The following RAVER2 variants were observed in gnomAD, a reference collection of about 807,000 sequenced individuals.
The protein encoded by RAVER2 is ribonucleoprotein, PTB binding 2, also known as ribonucleoprotein PTB-binding 2.
In RAVER2, 46 loss-of-function variants were observed where a neutral mutation model predicts 78.1. The ratio of observed to expected loss-of-function variants is 0.59; its 90% CI spans 0.46 to 0.75. RAVER2 has a LOEUF of 0.75. Ranked by LOEUF, RAVER2 falls within the 30% of genes least tolerant of loss-of-function variation. The probability of loss-of-function intolerance (pLI) is 0.00; values close to 1 mark genes in which losing one functional copy is unlikely to be tolerated. For synonymous variants in RAVER2, 311 were observed against 313.3 expected, an observed-to-expected ratio of 0.99 and a Z score of 0.08; for missense variants, 793 against 837.5, an observed-to-expected ratio of 0.95 and a Z score of 0.66.
At chr1:64,755,689 AAG>A (rs1436692032) in intron 1 of RAVER2, among the ~76,000 whole-genome samples, 2 of 148,008 alleles carry the variant, frequency 1.4e-5, no homozygotes, top group Non-Finnish European at 3.0e-5. Context: ...TTCGATTCCA[AAG>A]TAATCTCCAT....
chr1:64,773,198 T>C (rs1481756994), intron 2 of RAVER2, among the ~76,000 whole-genome samples: 1 of 152,136 alleles, frequency 6.6e-6, no homozygotes, highest in Admixed American at 6.6e-5. Context: ...AGGATTTTTT[T>C]TTAATATACT....
intron 5 of RAVER2, among the ~76,000 whole-genome samples, chr1:64,792,476 A>G (rs887876467): frequency 7.2e-5 from 11 of 152,314 alleles, no homozygotes; most frequent in African/African-American, 2.6e-4. Flanking sequence ...ACTCTGGGCT[A>G]TCTTTACTAA....
chr1:64,778,851 T>A (rs188119356), intron 3 of RAVER2, among the ~76,000 whole-genome samples: 7 of 149,394 alleles, frequency 4.7e-5, no homozygotes, highest in Admixed American at 2.7e-4. Flanking sequence ...TCCTCTTACC[T>A]CTGTTGTTTC....
rs192230064 is a variant in RAVER2, at chr1:64,807,318, G to A, written c.1524G>A (p.Gln508=). ...CTGGGCCAGGGCACAGTAATACTCA[G>A]GAGAAACAGCCAGCCACGGTGGGAA... The change falls in exon 9 of 12, where the codon CAG becomes CAA. Residue 508 remains glutamine, a synonymous_variant. Transcript: ENST00000294428. The A allele has an allele frequency of 1.8e-5, 29 of 1,614,130 alleles. No individual in the cohort carries two copies. In the Admixed American group the frequency reaches 4.0e-4, roughly 22 times the overall value.
In RAVER2 at chr1:64,829,630, T is replaced by C. The variant is rs564328807; in HGVS notation, c.1930-1209T>C. On this transcript the variant is annotated intron_variant, in intron 11 of 11. Transcript: ENST00000294428. ...TCACCATCAACTCAGCTTTGACAAC[T>C]ATCAACTTACGGCAGGTCTCCTTTC... 2.6e-4 allele frequency among the ~76,000 whole-genome samples: 39 copies of C among 152,286 alleles called. 1 individual carries two copies. Among genetic ancestry groups the C allele is most frequent in the Admixed American group, 2.0e-3 (30 of 15,298 alleles).
At chr1:64,778,895 A>G (rs980397525) in intron 3 of RAVER2, among the ~76,000 whole-genome samples, 2 of 147,702 alleles carry the variant, frequency 1.4e-5, no homozygotes, top group African/African-American at 4.9e-5. Flanking sequence ...TTAATCATAC[A>G]TTTGTTGATT....
intron 2 of RAVER2, among the ~76,000 whole-genome samples, chr1:64,772,149 A>C (rs1367968180): frequency 1.3e-5 from 2 of 152,090 alleles, no homozygotes; most frequent in African/African-American, 4.8e-5. Flanking sequence ...AGTGACATCT[A>C]CCATTTCTAT....
intron 1 of RAVER2, among the ~76,000 whole-genome samples, chr1:64,763,789 G>C (rs929268990): frequency 6.6e-6 from 1 of 151,990 alleles, no homozygotes; most frequent in African/African-American, 2.4e-5. Context: ...TGTAATCCCA[G>C]CTACTCCAGA....
At chr1:64,810,686 G>C (rs1320028182) in intron 9 of RAVER2, among the ~76,000 whole-genome samples, 4 of 152,122 alleles carry the variant, frequency 2.6e-5, no homozygotes, top group Non-Finnish European at 5.9e-5. Flanking sequence ...GTGATGTTGA[G>C]CATTTTTGTG....
intron 8 of RAVER2, among the ~76,000 whole-genome samples, chr1:64,805,887 A>C (rs879435891): frequency 1.6e-4 from 25 of 152,316 alleles, no homozygotes; most frequent in Non-Finnish European, 3.4e-4. Context: ...GTATTTCCAA[A>C]AAATTAAATT....
At position 64,745,313 on chromosome 1, in the gene RAVER2, C is replaced by A. The variant is rs1472577119; in HGVS notation, c.141C>A (p.Ala47=). 16 of 1,514,644 alleles carry A rather than the reference C, an allele frequency of 1.1e-5. No individual in the cohort carries two copies. In the Admixed American group the frequency reaches 3.3e-4, roughly 31 times the overall value. 93.8% of individuals were successfully genotyped at this position (1,514,644 alleles called of 1,614,324 possible). Residue 47 remains alanine, a synonymous_variant, in exon 1 of 12, where the codon GCC becomes GCA. Coordinates refer to ENST00000294428, the Ensembl canonical transcript of RAVER2. This position sits in a 1 kb window ranked among gnomAD's most constrained non-coding sequence, Gnocchi z 4.3. ...AGGGCGCCCCGGACCCGATGCCCGC[C>A]GCGCTGCACCCTGAGGAGGTCGCCG...
intron 9 of RAVER2, among the ~76,000 whole-genome samples, chr1:64,809,540 A>G (rs1653547433): frequency 6.7e-6 from 1 of 149,324 alleles, no homozygotes; most frequent in Admixed American, 6.8e-5. Flanking sequence ...TTTGGACCCC[A>G]ACTCCAACCT....
At chr1:64,830,544 A>G (rs1179776710) in intron 11 of RAVER2, among the ~76,000 whole-genome samples, 2 of 152,200 alleles carry the variant, frequency 1.3e-5, no homozygotes, top group African/African-American at 4.8e-5. Context: ...ACTAGCTGTG[A>G]TCAGCAGAAG....
intron 5 of RAVER2, among the ~76,000 whole-genome samples, chr1:64,791,932 T>C (rs1652953665): frequency 6.6e-6 from 1 of 152,126 alleles, no homozygotes; most frequent in African/African-American, 2.4e-5. Context: ...TTACCTGTCT[T>C]CTTTTCTCCA....
At chr1:64,819,107 A>C (rs906310937) in intron 11 of RAVER2, among the ~76,000 whole-genome samples, 1 of 152,230 alleles carries the variant, frequency 6.6e-6, no homozygotes, top group Non-Finnish European at 1.5e-5. Flanking sequence ...GTCCAGTAGA[A>C]CAAAATTACT....
chr1:64,779,008 TTTAAG>T (rs562530371), intron 3 of RAVER2, among the ~76,000 whole-genome samples: 513 of 148,812 alleles, frequency 3.4e-3, no homozygotes, highest in Non-Finnish European at 6.2e-3. Flanking sequence ...ATATATATTA[TTTAAG>T]TTGACAGTTA....
chr1:64,773,191 AT>A (rs531349520), intron 2 of RAVER2, among the ~76,000 whole-genome samples: 8 of 151,372 alleles, frequency 5.3e-5, no homozygotes, highest in South Asian at 2.1e-4. Context: ...AAGTATTAGG[AT>A]TTTTTTTTAA....
At chr1:64,747,593 C>G (rs1488057234) in intron 1 of RAVER2, among the ~76,000 whole-genome samples, 2 of 151,798 alleles carry the variant, frequency 1.3e-5, no homozygotes, top group Non-Finnish European at 2.9e-5. Context: ...CTCACTGCAA[C>G]CTCTGCCTCC....
At chr1:64,749,166 A>G (rs761009470) in intron 1 of RAVER2, among the ~76,000 whole-genome samples, 55 of 151,462 alleles carry the variant, frequency 3.6e-4, no homozygotes, top group Non-Finnish European at 6.6e-4. Flanking sequence ...TTAGTCCCGC[A>G]TTGGATTCTG....
Sources: gnomAD v4.1 joint callset for allele counts (sites outside exome capture counted in the v4.1 genomes callset) on GRCh38, gnomAD v4.1.1 for gene constraint, Gnocchi (gnomAD v3.1) non-coding constraint, MANE v1.5 for transcripts, NCBI Gene and HGNC (gene_info 2026-07-23, HGNC 2026-07-21) for gene names.